RSPO2: variants seen among roughly 807,000 people sequenced by gnomAD.
RSPO2 encodes the protein R-spondin 2, also known as R-spondin-2.
In RSPO2, 14 loss-of-function variants were observed where a neutral mutation model predicts 30.9. The observed-to-expected ratio is 0.45, with a 90% CI of 0.30 to 0.71. The LOEUF is 0.71. RSPO2 is among the 30% of genes least tolerant of loss of function. The pLI is 0.08. For missense variants in RSPO2, 264 were observed against 301.9 expected (o/e 0.87, Z 0.93); for synonymous variants, 107 against 96.4 (o/e 1.11, Z -0.64).
intron 5 of RSPO2, among the ~76,000 whole-genome samples, chr8:107,925,528 A>G (rs1377113271): frequency 2.0e-5 from 3 of 151,898 alleles, no homozygotes; most frequent in African/African-American, 7.2e-5. Context: ...TACGTTAGGT[A>G]TTTCTCCTAA....
chr8:108,078,465 T>G (rs993928096), intron 2 of RSPO2, among the ~76,000 whole-genome samples: 1 of 152,232 alleles, frequency 6.6e-6, no homozygotes, highest in African/African-American at 2.4e-5. Flanking sequence ...GTTAGTATGT[T>G]CCATGTGTCA....
At chr8:108,027,237 T>C (rs1811251986) in intron 2 of RSPO2, among the ~76,000 whole-genome samples, 1 of 152,236 alleles carries the variant, frequency 6.6e-6, no homozygotes, top group South Asian at 2.1e-4. Flanking sequence ...CATTTTCCTC[T>C]TGGGATTCTC....
At chr8:108,026,702 A>C (rs1008016989) in intron 2 of RSPO2, among the ~76,000 whole-genome samples, 1 of 152,082 alleles carries the variant, frequency 6.6e-6, no homozygotes. Flanking sequence ...CCCCATGTCT[A>C]CTAAAAATAA....
At chr8:107,905,912 A>G (rs531271054) in intron 5 of RSPO2, among the ~76,000 whole-genome samples, 23 of 152,170 alleles carry the variant, frequency 1.5e-4, no homozygotes, top group Non-Finnish European at 3.1e-4. Context: ...AAAATAGACG[A>G]GACCTAAACA....
intron 5 of RSPO2, among the ~76,000 whole-genome samples, chr8:107,944,348 T>A (rs895503051): frequency 6.6e-6 from 1 of 152,326 alleles, no homozygotes; most frequent in Admixed American, 6.5e-5. Flanking sequence ...ATCCACCTTA[T>A]ACTATATTTA....
intron 2 of RSPO2, among the ~76,000 whole-genome samples, chr8:108,011,134 G>GAAAAAAAAAAAAAAA (rs66722934): frequency 1.0e-5 from 1 of 100,462 alleles, no homozygotes; most frequent in Non-Finnish European, 1.9e-5. Flanking sequence ...CTCCGTCCCA[G>GAAAAAAAAAAAAAAA]AAAAAAAAAA....
chr8:107,920,970 A>G (rs1282655591), intron 5 of RSPO2, among the ~76,000 whole-genome samples: 10 of 152,130 alleles, frequency 6.6e-5, no homozygotes, highest in Admixed American at 2.0e-4. Context: ...ACTTCTTCAA[A>G]AAGTGTGTAC....
intron 2 of RSPO2, among the ~76,000 whole-genome samples, chr8:108,055,748 T>C (rs1239688417): frequency 6.6e-6 from 1 of 152,058 alleles, no homozygotes; most frequent in African/African-American, 2.4e-5. Context: ...ATAAGGGAGA[T>C]GTTTATTTTT....
At chr8:108,064,713 C>A (rs1812601686) in intron 2 of RSPO2, among the ~76,000 whole-genome samples, 3 of 152,296 alleles carry the variant, frequency 2.0e-5, no homozygotes, top group Non-Finnish European at 4.4e-5. Context: ...GCTATAAAGA[C>A]ACATGCACAC....
At chr8:108,041,273 A>T (rs1284937134) in intron 2 of RSPO2, among the ~76,000 whole-genome samples, 1 of 151,916 alleles carries the variant, frequency 6.6e-6, no homozygotes, top group African/African-American at 2.4e-5. Flanking sequence ...TTGGACAAAG[A>T]AAAGAATGGT....
intron 2 of RSPO2, among the ~76,000 whole-genome samples, chr8:108,011,308 C>T (rs576926929): frequency 6.6e-6 from 1 of 151,934 alleles, no homozygotes; most frequent in South Asian, 2.1e-4. Context: ...CATTTCTAAC[C>T]TTTTACATAC....
At position 108,055,412 on chromosome 8, in the gene RSPO2, C is replaced by T. The variant is rs751044117; in HGVS notation, c.94+27133G>A. ...TTTTATTTGAGGTGTAATAGAAATCCACTGAAGCATTTAAATGGGGGGGAG... is the reference window on the plus strand; with the variant it reads ...TTTTATTTGAGGTGTAATAGAAATCTACTGAAGCATTTAAATGGGGGGGAG... On this transcript the variant is annotated intron_variant, in intron 2 of 5. Coordinates refer to ENST00000276659, the MANE Select transcript of RSPO2 (RefSeq NM_178565.5). Among the ~76,000 whole-genome samples the T allele has an allele frequency of 2.8e-4, 42 of 151,986 alleles. 1 individual carries two copies. Among genetic ancestry groups the T allele is most frequent in the Non-Finnish European group, 5.0e-4 (34 of 67,990 alleles).
intron 2 of RSPO2, among the ~76,000 whole-genome samples, chr8:108,040,408 A>G (rs1811717951): frequency 6.6e-6 from 1 of 152,162 alleles, no homozygotes; most frequent in Non-Finnish European, 1.5e-5. Context: ...GACACTTTAG[A>G]CAAGAAAAAA....
intron 4 of RSPO2, 145 bp from the exon 5 acceptor site, chr8:107,958,413 G>T: frequency 1.6e-6 from 1 of 613,250 alleles, no homozygotes; most frequent in Non-Finnish European, 2.9e-6. Flanking sequence ...CAGCCTTGAA[G>T]ACCTATACTC....
At position 107,901,205 on chromosome 8, in the gene RSPO2, A is replaced by C; in HGVS notation, c.617-15T>G. 6.2e-7 allele frequency: 1 copy of C among 1,601,154 alleles called. No individual in the cohort carries two copies. Among genetic ancestry groups the C allele is most frequent in the Non-Finnish European group, 8.5e-7 (1 of 1,174,802 alleles). On this transcript the variant is annotated splice_polypyrimidine_tract_variant and intron_variant, in intron 5 of 5. Transcript: ENST00000276659. ...TGTTCTCTTCCCTGCAATGAAGGAA[A>C]GAAAAGAAGAGATGTCAGAAATGGC... is the stretch of plus-strand genomic sequence containing the variant.
intron 2 of RSPO2, among the ~76,000 whole-genome samples, chr8:107,996,463 A>G (rs962073594): frequency 2.0e-5 from 3 of 152,204 alleles, no homozygotes; most frequent in African/African-American, 7.2e-5. Context: ...ATTTATATGC[A>G]GATTTGAAAA....
At chr8:107,970,344 A>AGG (rs1813952665) in intron 3 of RSPO2, among the ~76,000 whole-genome samples, 2 of 152,298 alleles carry the variant, frequency 1.3e-5, no homozygotes, top group African/African-American at 4.8e-5. Context: ...AGCTATTCTT[A>AGG]GCTTAAGGGC....
chr8:108,050,628 C>T (rs1327637488), intron 2 of RSPO2, among the ~76,000 whole-genome samples: 4 of 151,976 alleles, frequency 2.6e-5, no homozygotes, highest in Admixed American at 2.6e-4. Context: ...TAATAAAATC[C>T]CATTTGGAAT....
At chr8:108,080,101 A>C (rs1371578733) in intron 2 of RSPO2, among the ~76,000 whole-genome samples, 1 of 152,230 alleles carries the variant, frequency 6.6e-6, no homozygotes, top group Non-Finnish European at 1.5e-5. Flanking sequence ...GACAATTCAC[A>C]CAACTTGAGT....
Sources: allele counts gnomAD v4.1 joint callset (sites outside exome capture counted in the v4.1 genomes callset), GRCh38; gene constraint gnomAD v4.1.1; transcripts MANE v1.5; gene names NCBI Gene and HGNC (gene_info 2026-07-23, HGNC 2026-07-21).